SLAMF7: variants seen among roughly 807,000 people sequenced by gnomAD.
SLAMF7 encodes 19A24 protein.
In SLAMF7, 26 loss-of-function variants were observed where a neutral mutation model predicts 34.1. The observed-to-expected ratio is 0.76, with a 90% CI of 0.56 to 1.06. The LOEUF (loss-of-function observed/expected upper bound fraction) is 1.06, where lower values mean the gene tolerates loss of function less well. Ranked by LOEUF, SLAMF7 falls within the 50% of genes least tolerant of loss-of-function variation. SLAMF7 has a pLI of 0.00. For synonymous variants in SLAMF7, 171 were observed against 156.4 expected, an observed-to-expected ratio of 1.09 and a Z score of -0.70; for missense variants, 399 against 402.5, an observed-to-expected ratio of 0.99 and a Z score of 0.07.
intron 1 of SLAMF7, among the ~76,000 whole-genome samples, chr1:160,740,863 G>T (rs560800788): frequency 6.6e-6 from 1 of 152,284 alleles, no homozygotes; most frequent in African/African-American, 2.4e-5. Context: ...GAGAGATCAC[G>T]CTTCTTGGGC....
chr1:160,750,743 C>T lies in SLAMF7; in HGVS notation c.769+320C>T. ...CAGGCCCCACACTGCTGACTCTGCT[C>T]CCCTGACCTGGGAGGTGATGGCCTC... On this transcript the variant is annotated intron_variant, in intron 4 of 6. Coordinates refer to ENST00000368043, the MANE Select transcript of SLAMF7 (RefSeq NM_021181.5). 3 of 258,624 alleles carry T rather than the reference C, an allele frequency of 1.2e-5. No homozygotes were observed. The South Asian group carries it at 1.6e-4, about 14-fold the overall frequency. The allele number at this position is 258,624 out of a possible 1,614,324, so 16.0% of individuals were successfully genotyped here.
At chr1:160,749,064 C>T (rs997571117) in intron 2 of SLAMF7, among the ~76,000 whole-genome samples, 2 of 152,182 alleles carry the variant, frequency 1.3e-5, no homozygotes, top group Non-Finnish European at 2.9e-5. Context: ...CAAACTTCTT[C>T]AAGAAGAATA....
intron 1 of SLAMF7, among the ~76,000 whole-genome samples, chr1:160,740,442 A>G (rs1319804674): frequency 6.6e-6 from 1 of 152,126 alleles, no homozygotes; most frequent in African/African-American, 2.4e-5. Flanking sequence ...AGTATGAAAA[A>G]CTGCCATGCA....
At chr1:160,744,685 T>C (rs1258166168) in intron 1 of SLAMF7, among the ~76,000 whole-genome samples, 1 of 152,214 alleles carries the variant, frequency 6.6e-6, no homozygotes, top group African/African-American at 2.4e-5. Context: ...CCTTAAATTA[T>C]AGCTTCAAAA....
rs201003538 is a variant in SLAMF7 at position 160,748,247 on chromosome 1, G to C, written c.109G>C (p.Val37Leu). 1.9e-6 allele frequency: 3 copies of C among 1,614,054 alleles called. No homozygotes were observed. Among genetic ancestry groups the C allele is most frequent in the Non-Finnish European group, 2.5e-6 (3 of 1,179,950 alleles). The change falls in exon 2 of 7, where the codon GTG (valine) becomes CTG (leucine). Residue 37 changes from valine to leucine, a missense_variant. Transcript: ENST00000368043. ...KELVGSVGGA[V>L]TFPLKSKVKQ... ...GCTGGTCGGTTCCGTTGGTGGGGCCGTGACTTTCCCCCTGAAGTCCAAAGT... is the reference window on the plus strand; with the variant it reads ...GCTGGTCGGTTCCGTTGGTGGGGCCCTGACTTTCCCCCTGAAGTCCAAAGT...
intron 1 of SLAMF7, chr1:160,739,578 A>G (rs745655293): frequency 2.3e-6 from 1 of 442,058 alleles, no homozygotes; most frequent in Non-Finnish European, 4.0e-6. Context: ...TGACTGTCCC[A>G]GGGATGAAGG....
At chr1:160,746,763 A>T (rs143076105) in intron 1 of SLAMF7, among the ~76,000 whole-genome samples, 1 of 151,702 alleles carries the variant, frequency 6.6e-6, no homozygotes, top group Non-Finnish European at 1.5e-5. Flanking sequence ...CACTGGGGAG[A>T]CCCCCTTTAT....
intron 1 of SLAMF7, among the ~76,000 whole-genome samples, chr1:160,747,309 A>AT (rs1016932623): frequency 2.6e-5 from 4 of 152,158 alleles, no homozygotes; most frequent in African/African-American, 9.7e-5. Flanking sequence ...TGAGTAAGTC[A>AT]TTTACCCCCA....
chr1:160,744,414 A>T (rs1379024538), intron 1 of SLAMF7, among the ~76,000 whole-genome samples: 1 of 152,180 alleles, frequency 6.6e-6, no homozygotes, highest in African/African-American at 2.4e-5. Context: ...CACCCTGAAG[A>T]TACATTTAAG....
chr1:160,751,893 TATATATATACAC>T (rs1364866419), intron 5 of SLAMF7: 1 of 120,926 alleles, frequency 8.3e-6, no homozygotes, highest in African/African-American at 3.4e-5. Context: ...TATATATATA[TATATATATACAC>T]ACACATATAT....
At chr1:160,741,256 C>T (rs1050366356) in intron 1 of SLAMF7, among the ~76,000 whole-genome samples, 2 of 151,966 alleles carry the variant, frequency 1.3e-5, no homozygotes, top group African/African-American at 4.8e-5. Context: ...GTCAAGGAGA[C>T]AATCAATAAA....
intron 4 of SLAMF7, chr1:160,751,010 G>A (rs1397005541): frequency 2.6e-5 from 8 of 309,502 alleles, no homozygotes; most frequent in Non-Finnish European, 4.3e-5. Flanking sequence ...GATGGGGAGG[G>A]ACCTAACATC....
intron 1 of SLAMF7, among the ~76,000 whole-genome samples, chr1:160,745,471 C>T (rs145991837): frequency 1.3e-5 from 2 of 152,294 alleles, no homozygotes; most frequent in East Asian, 1.9e-4. Flanking sequence ...ATCCTCAAAT[C>T]GTCACCTGCT....
chr1:160,744,520 A>AT (rs2101660686), intron 1 of SLAMF7, among the ~76,000 whole-genome samples: 1 of 152,254 alleles, frequency 6.6e-6, no homozygotes, highest in South Asian at 2.1e-4. Context: ...GTTTGGCAAC[A>AT]TTTTCTTATA....
At position 160,750,416 on chromosome 1, in the gene SLAMF7, A is replaced by G. The variant is rs1664479041; in HGVS notation, c.762A>G (p.Arg254=). The G allele has an allele frequency of 5.6e-6, 9 of 1,613,480 alleles. No homozygotes were observed. Among genetic ancestry groups the G allele is most frequent in the Non-Finnish European group, 7.6e-6 (9 of 1,179,776 alleles). Residue 254 remains arginine (R), a synonymous_variant, in exon 4 of 7, where the codon AGA becomes AGG. Transcript: ENST00000368043. ...GLFLWFLKRE[R]QEEYIEEKKR... is the part of the protein sequence containing the mutation. ...TTCTTTGGTTTCTGAAGAGAGAGAG[A>G]CAAGAAGGTAGAGCGTGTACTATTT...
At chr1:160,741,760 G>T (rs528645326) in intron 1 of SLAMF7, among the ~76,000 whole-genome samples, 1 of 152,142 alleles carries the variant, frequency 6.6e-6, no homozygotes, top group Non-Finnish European at 1.5e-5. Flanking sequence ...CAAAGGTGGC[G>T]CCATGGGGCA....
At position 160,739,376 on chromosome 1, in the gene SLAMF7, C is replaced by T. The variant is rs1571095820; in HGVS notation, c.55+20C>T. 1 of 1,607,746 alleles carries T rather than the reference C, an allele frequency of 6.2e-7. No individual in the cohort carries two copies. The highest frequency in any genetic ancestry group is 2.2e-5 in the East Asian group (1 of 44,856). On this transcript the variant is annotated intron_variant, in intron 1 of 6. Coordinates refer to ENST00000368043, the MANE Select transcript of SLAMF7 (RefSeq NM_021181.5). The stretch of plus-strand genomic sequence containing the variant: ...TCACAGGTGAGTCCGGCCGGATTCT[C>T]TTCCACTCTCCTGTCTACCCCATCC...
intron 5 of SLAMF7, chr1:160,751,972 C>A: frequency 2.6e-6 from 1 of 384,866 alleles, no homozygotes; most frequent in African/African-American, 2.1e-5. Flanking sequence ...AATGTAATGG[C>A]TTCCTGAAAA....
At chr1:160,739,907 ATCCCATGGAGGACAGAGGACAGT>A (rs1663593110) in intron 1 of SLAMF7, among the ~76,000 whole-genome samples, 1 of 152,180 alleles carries the variant, frequency 6.6e-6, no homozygotes, top group South Asian at 2.1e-4. Context: ...TTTATGTTTA[ATCCCATGGAGGACAGAGGACAGT>A]TCTCCACCTG....
Sources: gnomAD v4.1 joint callset for allele counts (sites outside exome capture counted in the v4.1 genomes callset) on GRCh38, gnomAD v4.1.1 for gene constraint, MANE v1.5 for transcripts, NCBI Gene and HGNC (gene_info 2026-07-23, HGNC 2026-07-21) for gene names.